Variants in GPBP1L1 observed in about 807,000 individuals in gnomAD.
The protein encoded by GPBP1L1 is vasculin-like protein 1.
A neutral mutation model predicts 52.5 loss-of-function variants in GPBP1L1; 23 were observed. That is an observed-to-expected ratio of 0.44 (90% CI 0.32 to 0.62). The LOEUF (loss-of-function observed/expected upper bound fraction) is 0.62, where lower values mean the gene tolerates loss of function less well. GPBP1L1 is among the 20% of genes least tolerant of loss of function. The probability of loss-of-function intolerance (pLI) is 0.06; values close to 1 mark genes in which losing one functional copy is unlikely to be tolerated. For missense variants in GPBP1L1, 596 were observed against 579.3 expected, an observed-to-expected ratio of 1.03 and a Z score of -0.30; for synonymous variants, 243 against 203.1, an observed-to-expected ratio of 1.20 and a Z score of -1.67.
intron 5 of GPBP1L1, 87 bp downstream of exon 5, chr1:45,655,102 AT>A: frequency 6.7e-7 from 1 of 1,500,446 alleles, no homozygotes; most frequent in East Asian, 2.3e-5. Flanking sequence ...AAAAGATCCT[AT>A]TTCAAGATTA....
chr1:45,684,588 T>G lies in GPBP1L1; in HGVS notation c.-1098+988A>C, dbSNP rs184038514. Among the ~76,000 whole-genome samples, 1,039 of 151,364 alleles carry G rather than the reference T, an allele frequency of 6.9e-3. 12 individuals carry two copies. The highest frequency in any genetic ancestry group is 0.024 in the African/African-American group (1,000 of 41,206). On this transcript the variant is annotated intron_variant, in intron 2 of 12. Coordinates refer to ENST00000355105, the MANE Select transcript of GPBP1L1 (RefSeq NM_021639.5). The stretch of plus-strand genomic sequence containing the variant: ...CTCAAAATAAAGGTTTCCCCAAGAG[T>G]TCCCCCCACACCACAAATCAAGAGC...
In GPBP1L1 at chr1:45,629,657, C is replaced by A; in HGVS notation, c.1191G>T (p.Trp397Cys). The change falls in exon 12 of 13, where the codon TGG becomes TGT. Residue 397 changes from tryptophan to cysteine, a missense_variant. Coordinates refer to ENST00000355105, the MANE Select transcript of GPBP1L1 (RefSeq NM_021639.5). ...AEHRLLKAMGWQEYPENDENC... is the reference protein window; with the variant it reads ...AEHRLLKAMGCQEYPENDENC... Reference sequence around the variant, plus strand: ...TCTCATCATTTTCAGGATATTCCTGCCAACCCATAGCTTTCAATAACCTGG... The same window carrying A: ...TCTCATCATTTTCAGGATATTCCTGACAACCCATAGCTTTCAATAACCTGG... 1 of 1,612,092 alleles carries A rather than the reference C, an allele frequency of 6.2e-7. No individual in the cohort carries two copies. Among genetic ancestry groups the A allele is most frequent in the Non-Finnish European group, 8.5e-7 (1 of 1,178,116 alleles).
chr1:45,651,567 G>T, intron 6 of GPBP1L1: 2 of 607,674 alleles, frequency 3.3e-6, no homozygotes, highest in East Asian at 3.0e-5. Flanking sequence ...GTTTGGCAGC[G>T]CAAGGCCTGG....
intron 7 of GPBP1L1, chr1:45,641,836 T>C (rs970869869): frequency 8.4e-6 from 1 of 119,254 alleles, no homozygotes; most frequent in African/African-American, 3.1e-5. Context: ...AAAAAAAAAG[T>C]AAGTGAAGTA....
At chr1:45,677,712 G>T (rs987229486) in intron 2 of GPBP1L1, among the ~76,000 whole-genome samples, 2 of 152,182 alleles carry the variant, frequency 1.3e-5, no homozygotes, top group African/African-American at 2.4e-5. Flanking sequence ...ATCATGTGAA[G>T]TGCTATGACA....
intron 6 of GPBP1L1, among the ~76,000 whole-genome samples, chr1:45,647,437 C>T (rs540224342): frequency 6.6e-6 from 1 of 152,278 alleles, no homozygotes; most frequent in East Asian, 1.9e-4. Flanking sequence ...CTAGCATGAA[C>T]AACGATAGAA....
rs920650332 is a variant in GPBP1L1 at position 45,633,733 on chromosome 1, C to T, written c.886-86G>A. On this transcript the variant is annotated intron_variant, in intron 9 of 12. Coordinates refer to ENST00000355105, the MANE Select transcript of GPBP1L1 (RefSeq NM_021639.5). ...TCTACTAAGTGCTGACTTCAAGAAT[C>T]TGGTAGCCTATTTATCACTCTGTCT... 8 of 1,342,304 alleles carry T rather than the reference C, an allele frequency of 6.0e-6. No homozygotes were observed. The East Asian group carries it at 7.3e-5, about 12-fold the overall frequency. The allele number at this position is 1,342,304 out of a possible 1,614,324, so 83.1% of individuals were successfully genotyped here.
intron 8 of GPBP1L1, among the ~76,000 whole-genome samples, chr1:45,636,729 G>C (rs1204727258): frequency 6.6e-6 from 1 of 152,218 alleles, no homozygotes; most frequent in Non-Finnish European, 1.5e-5. Context: ...GTCAAGAAGA[G>C]TTTAGCAAAA....
Position 45,660,208 on chromosome 1 carries a change from T to C in GPBP1L1, c.-80A>G, listed in dbSNP as rs3811436. ...CCCCAGAGTGTAACCTCTGTGGTCC[T>C]GTTTCTGAACTCGAGTCGGCCAGCT... On this transcript the variant is annotated 5_prime_UTR_variant, in exon 3 of 13. Coordinates refer to ENST00000355105, the MANE Select transcript of GPBP1L1 (RefSeq NM_021639.5). 294,000 of 984,612 alleles carry C rather than the reference T, an allele frequency of 0.3. 44,217 individuals carry two copies. The highest frequency in any genetic ancestry group is 0.37 in the South Asian group (7,903 of 21,270). 61.0% of individuals were successfully genotyped at this position (984,612 alleles called of 1,614,324 possible). A position where few individuals can be genotyped will look rare whatever the true frequency, so the allele number is the denominator to read the frequency against.
intron 8 of GPBP1L1, among the ~76,000 whole-genome samples, chr1:45,638,838 A>T (rs1054673889): frequency 2.0e-5 from 3 of 152,210 alleles, no homozygotes; most frequent in Admixed American, 1.3e-4. Flanking sequence ...GGCATGCGCC[A>T]GAAGAATAAT....
chr1:45,682,553 A>G (rs1305159745), intron 2 of GPBP1L1, among the ~76,000 whole-genome samples: 1 of 152,170 alleles, frequency 6.6e-6, no homozygotes, highest in Non-Finnish European at 1.5e-5. Context: ...TCCAACTATT[A>G]AGTATTATCT....
chr1:45,650,465 C>CT (rs1342804130), intron 6 of GPBP1L1, among the ~76,000 whole-genome samples: 1 of 152,184 alleles, frequency 6.6e-6, no homozygotes, highest in African/African-American at 2.4e-5. Context: ...AAGGTCTGTG[C>CT]TGAGTGGTTC....
chr1:45,643,727 TG>T (rs949463583), intron 6 of GPBP1L1, among the ~76,000 whole-genome samples: 2 of 130,162 alleles, frequency 1.5e-5, no homozygotes, highest in African/African-American at 5.9e-5. Flanking sequence ...TGGAGTACAG[TG>T]GCACAATCCT....
intron 9 of GPBP1L1, 125 bp from the exon 10 acceptor site, chr1:45,633,772 C>A (rs1449409286): frequency 9.6e-7 from 1 of 1,044,098 alleles, no homozygotes; most frequent in Non-Finnish European, 1.4e-6. Context: ...ACCAAACAAT[C>A]CTTTTATTTA....
At chr1:45,630,156 G>T (rs1409940310) in intron 11 of GPBP1L1, among the ~76,000 whole-genome samples, 1 of 152,140 alleles carries the variant, frequency 6.6e-6, no homozygotes, top group Non-Finnish European at 1.5e-5. Context: ...TCGCCATGTT[G>T]GCCAAGCTGG....
chr1:45,629,605 G>T lies in GPBP1L1; in HGVS notation c.1243C>A (p.Leu415Ile). The T allele has an allele frequency of 1.2e-6, 2 of 1,612,302 alleles. No homozygotes were observed. The highest frequency in any genetic ancestry group is 1.7e-6 in the Non-Finnish European group (2 of 1,178,364). ...TCTGTCTTCATGTGGAACTCTTTGA[G>T]CTCATCCTCTGTGAGGGGAAGGCAA... ...ENCLPLTEDE[L>I]KEFHMKTEQL... The change falls in exon 12 of 13, where the codon CTC becomes ATC. Residue 415 changes from leucine to isoleucine, a missense_variant. Leu to Ile is a conservative substitution (Grantham distance 5, BLOSUM62 2). Coordinates refer to ENST00000355105, the MANE Select transcript of GPBP1L1 (RefSeq NM_021639.5).
intron 6 of GPBP1L1, among the ~76,000 whole-genome samples, chr1:45,648,732 T>C (rs1240201793): frequency 6.6e-6 from 1 of 152,190 alleles, no homozygotes; most frequent in Non-Finnish European, 1.5e-5. Flanking sequence ...AACTTTACTT[T>C]AAAATAATTT....
intron 6 of GPBP1L1, among the ~76,000 whole-genome samples, chr1:45,648,239 C>T (rs1644776699): frequency 6.6e-6 from 1 of 152,228 alleles, no homozygotes; most frequent in Non-Finnish European, 1.5e-5. Flanking sequence ...TGAACTGTGA[C>T]TACGTGCTAT....
intron 2 of GPBP1L1, among the ~76,000 whole-genome samples, chr1:45,668,288 T>C (rs1009537522): frequency 6.6e-6 from 1 of 152,204 alleles, no homozygotes; most frequent in African/African-American, 2.4e-5. Flanking sequence ...AATATATTTA[T>C]AGTATTCAAA....
Sources: gnomAD v4.1 joint callset for allele counts (sites outside exome capture counted in the v4.1 genomes callset) on GRCh38, gnomAD v4.1.1 for gene constraint, MANE v1.5 for transcripts, NCBI Gene and HGNC (gene_info 2026-07-23, HGNC 2026-07-21) for gene names.